KALRN: variants seen among roughly 807,000 people sequenced by gnomAD.
The protein encoded by KALRN is kalirin.
A neutral mutation model predicts 353.7 loss-of-function variants in KALRN; 70 were observed. That is an observed-to-expected ratio of 0.20 (90% CI 0.16 to 0.24). The LOEUF (loss-of-function observed/expected upper bound fraction) is 0.24. Ranked by LOEUF, KALRN falls within the 10% of genes least tolerant of loss-of-function variation. KALRN has a pLI of 1.00. For synonymous variants in KALRN, 1,391 were observed against 1,434.8 expected, an observed-to-expected ratio of 0.97 and a Z score of 0.69; for missense variants, 2,791 against 3,756.7, an observed-to-expected ratio of 0.74 and a Z score of 6.72.
chr3:124,604,356 T>C (rs549261951), intron 34 of KALRN, among the ~76,000 whole-genome samples: 1 of 152,266 alleles, frequency 6.6e-6, no homozygotes, highest in African/African-American at 2.4e-5. Flanking sequence ...GTGGAAGTTA[T>C]GCATCGAGCC....
At chr3:124,161,217 T>G (rs2069891940) in intron 1 of KALRN, among the ~76,000 whole-genome samples, 1 of 152,230 alleles carries the variant, frequency 6.6e-6, no homozygotes, top group Non-Finnish European at 1.5e-5. Flanking sequence ...AAAGCTGATA[T>G]GTGAGTAAAT....
intron 1 of KALRN, among the ~76,000 whole-genome samples, chr3:124,117,598 C>T (rs924340576): frequency 5.3e-5 from 8 of 151,722 alleles, no homozygotes; most frequent in African/African-American, 1.2e-4. Context: ...AAGATTCTTC[C>T]GGAAGAAGTA....
At position 124,398,798 on chromosome 3, in the gene KALRN, A is replaced by G; in HGVS notation, c.2273A>G (p.Glu758Gly). ...GATGATGCCCAGGTGCAGATGGAGG[A>G]GCTGTTCCACGAGCGGAAGATCAAG... ...QLDDAQVQME[E>G]LFHERKIKLD... Residue 758 changes from glutamate to glycine, a missense_variant, in exon 13 of 60, where the codon GAG (glutamate) becomes GGG (glycine). By Grantham distance (98) the Glu-to-Gly change is moderately conservative. This residue lies in a region of KALRN where 452 missense variants were observed against 575.8 expected (regional missense o/e 0.78). Transcript: ENST00000682506. The G allele has an allele frequency of 3.1e-6, 5 of 1,614,088 alleles. No homozygotes were observed. Among genetic ancestry groups the G allele is most frequent in the Non-Finnish European group, 4.2e-6 (5 of 1,180,026 alleles).
At chr3:124,220,588 C>T (rs1470803016) in intron 1 of KALRN, among the ~76,000 whole-genome samples, 1 of 152,144 alleles carries the variant, frequency 6.6e-6, no homozygotes, top group East Asian at 1.9e-4. Context: ...CTACTAACTC[C>T]AGTTTGACTA....
chr3:124,569,317 A>G (rs1304874410), intron 34 of KALRN, among the ~76,000 whole-genome samples: 2 of 152,126 alleles, frequency 1.3e-5, no homozygotes, highest in African/African-American at 2.4e-5. Flanking sequence ...CAGCTTCCCC[A>G]TGCTGCAGAA....
intron 1 of KALRN, among the ~76,000 whole-genome samples, chr3:124,201,707 C>T (rs538674790): frequency 2.0e-4 from 31 of 152,206 alleles, no homozygotes; most frequent in Admixed American, 3.9e-4. Flanking sequence ...CCTGGGTGCT[C>T]CTAATCTAAT....
chr3:124,483,163 G>T (rs985908256), intron 28 of KALRN, among the ~76,000 whole-genome samples: 6 of 152,200 alleles, frequency 3.9e-5, no homozygotes, highest in African/African-American at 1.4e-4. Flanking sequence ...TTTAGCAATT[G>T]CCTTCTCAGG....
rs545564678 is a variant in KALRN at position 124,370,532 on chromosome 3, A to G, written c.1771-14313A>G. The stretch of plus-strand genomic sequence containing the variant: ...TTGAGCATCCCAAGAAACCGTTGCT[A>G]TGGTCTTTGCTCTTGACCAGTCTGC... On this transcript the variant is annotated intron_variant, in intron 10 of 59. Transcript: ENST00000682506. Among the ~76,000 whole-genome samples the G allele has an allele frequency of 9.9e-5, 15 of 152,274 alleles. No homozygotes were observed. In the South Asian group the frequency reaches 1.5e-3, roughly 15 times the overall value.
At chr3:124,546,869 C>G (rs1275914808) in intron 33 of KALRN, among the ~76,000 whole-genome samples, 2 of 152,160 alleles carry the variant, frequency 1.3e-5, no homozygotes, top group African/African-American at 4.8e-5. Context: ...CCCATATATG[C>G]TGGGGATACA....
chr3:124,239,402 C>T (rs1484010657), intron 3 of KALRN, among the ~76,000 whole-genome samples: 2 of 152,272 alleles, frequency 1.3e-5, no homozygotes, highest in African/African-American at 2.4e-5. Context: ...TGCTTTGTCA[C>T]GACCTTCTTT....
At chr3:124,596,984 G>T (rs1485582378) in intron 34 of KALRN, among the ~76,000 whole-genome samples, 1 of 152,076 alleles carries the variant, frequency 6.6e-6, no homozygotes, top group African/African-American at 2.4e-5. Flanking sequence ...GGAGGCGGAG[G>T]TTGCAGTGAG....
intron 1 of KALRN, among the ~76,000 whole-genome samples, chr3:124,141,804 C>T (rs2066657299): frequency 1.3e-5 from 2 of 152,174 alleles, no homozygotes; most frequent in Admixed American, 1.3e-4. Context: ...GTCAGTATCT[C>T]TGCCTGTGTT....
rs1390802198 is a variant in KALRN at position 124,379,665 on chromosome 3, G to A, written c.1771-5180G>A. On this transcript the variant is annotated intron_variant, in intron 10 of 59. Transcript: ENST00000682506. ...AACCATGAGGTTTTCCAGGCTGACT[G>A]GTGGGAGCAGGTGCTATTTCTAACT... is the stretch of plus-strand genomic sequence containing the variant. Among the ~76,000 whole-genome samples the A allele has an allele frequency of 3.3e-5, 5 of 152,300 alleles. No individual in the cohort carries two copies. In the South Asian group the frequency reaches 8.3e-4, roughly 25 times the overall value.
chr3:124,620,276 A>G (rs2079125950), intron 34 of KALRN, among the ~76,000 whole-genome samples: 1 of 151,928 alleles, frequency 6.6e-6, no homozygotes, highest in African/African-American at 2.4e-5. Context: ...AATTTTTGTT[A>G]TTATTTTTAG....
chr3:124,632,730 C>A lies in KALRN; in HGVS notation c.5466+27C>A, dbSNP rs183641477. The stretch of plus-strand genomic sequence containing the variant: ...TACTTACAGGGGGCCCTGGAGTTGT[C>A]CATCAGGAGGGCCTTCTGACATGTC... On this transcript the variant is annotated intron_variant, in intron 35 of 59. Transcript: ENST00000682506. The A allele has an allele frequency of 3.0e-5, 48 of 1,600,720 alleles. No homozygotes were observed. The East Asian group carries it at 1.0e-3, about 34-fold the overall frequency.
At chr3:124,570,306 C>CATA (rs2073368520) in intron 34 of KALRN, among the ~76,000 whole-genome samples, 2 of 152,300 alleles carry the variant, frequency 1.3e-5, no homozygotes, top group South Asian at 4.1e-4. Flanking sequence ...TTTACTTTAT[C>CATA]CTACAGTCCT....
Position 124,667,074 on chromosome 3 carries a change from C to T in KALRN, c.6594C>T (p.Asn2198=). The change falls in exon 47 of 60, where the codon AAC becomes AAT. Residue 2198 remains asparagine, a synonymous_variant. Transcript: ENST00000682506. Reference sequence around the variant, plus strand: ...ATCCCTGCAAGTTTGCACTCATGAACAGAGAGACTTCTGAGAGGGTTGTTC... The same window carrying T: ...ATCCCTGCAAGTTTGCACTCATGAATAGAGAGACTTCTGAGAGGGTTGTTC... ...DNDPCKFALM[N]RETSERVVLQ... 1 of 1,614,160 alleles carries T rather than the reference C, an allele frequency of 6.2e-7. No homozygotes were observed. The highest frequency in any genetic ancestry group is 8.5e-7 in the Non-Finnish European group (1 of 1,180,018).
chr3:124,677,481 C>T (rs1471447381), intron 49 of KALRN: 2 of 410,038 alleles, frequency 4.9e-6, no homozygotes, highest in Non-Finnish European at 9.6e-6. Context: ...TCCCTGGGAG[C>T]ACACATTAGT....
rs2713661 is a variant in KALRN at position 124,591,284 on chromosome 3, C to T, written c.5182+28195C>T. ...CAACTTAATTCAGGTCCCTTTTCCCCGCCCTTTTTTGTCCTTGTTCTTTCC... is the reference window on the plus strand; with the variant it reads ...CAACTTAATTCAGGTCCCTTTTCCCTGCCCTTTTTTGTCCTTGTTCTTTCC... On this transcript the variant is annotated intron_variant, in intron 34 of 59. Coordinates refer to ENST00000682506, the MANE Select transcript of KALRN (RefSeq NM_001388419.1). Among the ~76,000 whole-genome samples the T allele has an allele frequency of 7.9e-5, 12 of 152,104 alleles. 1 individual carries two copies. Among genetic ancestry groups the T allele is most frequent in the South Asian group, 6.2e-4 (3 of 4,814 alleles).
Sources: allele counts gnomAD v4.1 joint callset (sites outside exome capture counted in the v4.1 genomes callset), GRCh38; gene constraint gnomAD v4.1.1; regional missense constraint gnomAD v4.1.1; transcripts MANE v1.5; gene names NCBI Gene and HGNC (gene_info 2026-07-23, HGNC 2026-07-21).